SIK2: variants seen among roughly 807,000 people sequenced by gnomAD.
The protein encoded by SIK2 is serine/threonine-protein kinase SIK2.
In SIK2, 29 loss-of-function variants were observed where a neutral mutation model predicts 103.2. The ratio of observed to expected loss-of-function variants is 0.28; its 90% confidence interval spans 0.21 to 0.38. The LOEUF (loss-of-function observed/expected upper bound fraction) is 0.38, where lower values mean the gene tolerates loss of function less well. Among genes scored for constraint, SIK2 ranks in the 10% least tolerant of loss-of-function variants. The probability of loss-of-function intolerance (pLI) is 1.00; values close to 1 mark genes in which losing one functional copy is unlikely to be tolerated. For synonymous variants in SIK2, 412 were observed against 446.1 expected (o/e 0.92, Z 0.96); for missense variants, 879 against 1,171.0 (o/e 0.75, Z 3.64).
intron 3 of SIK2, among the ~76,000 whole-genome samples, chr11:111,638,862 T>G (rs567244553): frequency 2.6e-5 from 4 of 152,312 alleles, no homozygotes; most frequent in South Asian, 2.1e-4. Context: ...TGTTTAATTT[T>G]TTGTTGTTGT....
In SIK2 at chr11:111,729,885, T is replaced by A. The variant is rs775198406; in HGVS notation, c.*5756T>A. On this transcript the variant is annotated 3_prime_UTR_variant, in exon 15 of 15. Transcript: ENST00000304987. ...TCCAGTTAACTGCAGAAGTTTAGGC[T>A]CACCTCAAAGATGTCTAGTTTTTCC... 1 of 152,266 alleles carries A rather than the reference T, an allele frequency of 6.6e-6. No individual in the cohort carries two copies. The highest frequency in any genetic ancestry group is 1.5e-5 in the Non-Finnish European group (1 of 68,084). 9.4% of individuals were successfully genotyped at this position (152,266 alleles called of 1,614,324 possible).
chr11:111,633,740 T>A (rs1186420660), intron 3 of SIK2, among the ~76,000 whole-genome samples: 1 of 152,214 alleles, frequency 6.6e-6, no homozygotes, highest in Non-Finnish European at 1.5e-5. Flanking sequence ...TAAGAACATA[T>A]GCATTTAACC....
intron 1 of SIK2, among the ~76,000 whole-genome samples, chr11:111,605,253 G>A (rs890201233): frequency 6.6e-6 from 1 of 152,110 alleles, no homozygotes; most frequent in East Asian, 1.9e-4. Context: ...GTGAGCCACC[G>A]CGCCTGGCCC....
chr11:111,656,341 A>AT (rs1227869487), intron 3 of SIK2, among the ~76,000 whole-genome samples: 4 of 152,180 alleles, frequency 2.6e-5, no homozygotes, highest in Admixed American at 2.6e-4. Flanking sequence ...CTAGTTGTTC[A>AT]TTTACTAAGG....
At position 111,703,224 on chromosome 11, in the gene SIK2, G is replaced by A. The variant is rs778077254; in HGVS notation, c.749G>A (p.Arg250Lys). The change falls in exon 7 of 15, where the codon AGG becomes AAG. Residue 250 changes from arginine to lysine, a missense_variant. Physicochemically the swap from Arg to Lys is conservative, Grantham distance 26 (BLOSUM62 2). Coordinates refer to ENST00000304987, the MANE Select transcript of SIK2 (RefSeq NM_015191.3). ...MSEDCEHLIR[R>K]MLVLDPSKRL... is the part of the protein sequence containing the mutation. ...ATAGATTGCGAGCACCTTATCCGAA[G>A]GATGTTGGTCCTAGACCCATCCAAA... The A allele has an allele frequency of 3.7e-6, 6 of 1,613,996 alleles. No individual in the cohort carries two copies. The African/African-American group carries it at 8.0e-5, about 22-fold the overall frequency.
At chr11:111,632,782 CATTTA>C (rs556178711) in intron 3 of SIK2, among the ~76,000 whole-genome samples, 100 of 152,040 alleles carry the variant, frequency 6.6e-4, no homozygotes, top group African/African-American at 2.3e-3. Context: ...TTAAGCATGT[CATTTA>C]ATTGAATTGA....
intron 3 of SIK2, among the ~76,000 whole-genome samples, chr11:111,623,777 A>G (rs975089251): frequency 2.6e-5 from 4 of 151,690 alleles, no homozygotes; most frequent in Admixed American, 6.6e-5. Flanking sequence ...GCCAATCAGC[A>G]CTCTCCTGAG....
At chr11:111,648,366 T>C (rs928530718) in intron 3 of SIK2, among the ~76,000 whole-genome samples, 7 of 152,104 alleles carry the variant, frequency 4.6e-5, no homozygotes, top group African/African-American at 1.2e-4. Flanking sequence ...CAATGGTGTC[T>C]GGTAAGGACC....
chr11:111,641,490 G>A (rs1212994468), intron 3 of SIK2, among the ~76,000 whole-genome samples: 1 of 152,106 alleles, frequency 6.6e-6, no homozygotes, highest in Non-Finnish European at 1.5e-5. Context: ...TAGTCTTACA[G>A]ATTTTTCTTT....
chr11:111,715,201 C>T (rs1943605124), intron 9 of SIK2, among the ~76,000 whole-genome samples: 1 of 152,236 alleles, frequency 6.6e-6, no homozygotes, highest in African/African-American at 2.4e-5. Flanking sequence ...TCAGTCAGGC[C>T]ATAGACATCC....
Position 111,721,035 on chromosome 11 carries a change from C to T in SIK2, c.1917C>T (p.Leu639=), listed in dbSNP as rs780398297. The T allele has an allele frequency of 6.2e-7, 1 of 1,613,800 alleles. No homozygotes were observed. The highest frequency in any genetic ancestry group is 8.5e-7 in the Non-Finnish European group (1 of 1,179,876). The change falls in exon 12 of 15, where the codon CTC becomes CTT. Residue 639 remains leucine (L), a synonymous_variant. Transcript: ENST00000304987. ...ACCTGGCGCCGGCGGCTCCTCAGCT[C>T]CAGGACCTTGCTAGCAGCTGCCCTC... is the stretch of plus-strand genomic sequence containing the variant. ...DPNLAPAAPQ[L]QDLASSCPQE... is the part of the protein sequence containing the mutation.
chr11:111,611,101 T>C (rs1012397020), intron 1 of SIK2, among the ~76,000 whole-genome samples: 1 of 151,722 alleles, frequency 6.6e-6, no homozygotes, highest in South Asian at 2.1e-4. Flanking sequence ...TGTGTGTGTG[T>C]GTGTGTGTGT....
chr11:111,685,620 GATT>G (rs1175353179), intron 3 of SIK2, among the ~76,000 whole-genome samples: 3 of 152,122 alleles, frequency 2.0e-5, no homozygotes, highest in African/African-American at 7.2e-5. Context: ...AAGGCAGGAG[GATT>G]GCTTGAGTCC....
intron 10 of SIK2, among the ~76,000 whole-genome samples, 196 bp from the exon 11 acceptor site, chr11:111,720,282 G>A (rs958635728): frequency 1.3e-5 from 2 of 152,282 alleles, no homozygotes; most frequent in African/African-American, 4.8e-5. Flanking sequence ...AGATCTTACA[G>A]ATGCCACTTC....
chr11:111,727,348 T>G lies in SIK2; in HGVS notation c.*3219T>G. Reference sequence around the variant, plus strand: ...CTTTTGCCTCCTAGGAAAGAAAAAGTCAGTGGCCCTTTCTTCCTCAGATAT... The same window carrying G: ...CTTTTGCCTCCTAGGAAAGAAAAAGGCAGTGGCCCTTTCTTCCTCAGATAT... On this transcript the variant is annotated 3_prime_UTR_variant, in exon 15 of 15. Transcript: ENST00000304987. 1 of 458,744 alleles carries G rather than the reference T, an allele frequency of 2.2e-6. No homozygotes were observed. The highest frequency in any genetic ancestry group is 3.9e-6 in the Non-Finnish European group (1 of 255,544). 28.4% of individuals were successfully genotyped at this position (458,744 alleles called of 1,614,324 possible). A position where few individuals can be genotyped will look rare whatever the true frequency, so the allele number is the denominator to read the frequency against.
chr11:111,708,581 G>T (rs1943413615), intron 8 of SIK2, among the ~76,000 whole-genome samples: 1 of 151,760 alleles, frequency 6.6e-6, no homozygotes, highest in South Asian at 2.1e-4. Flanking sequence ...TTTTGGTGGG[G>T]TTTTGGGGGA....
At chr11:111,683,786 C>T (rs1942808548) in intron 3 of SIK2, among the ~76,000 whole-genome samples, 1 of 152,172 alleles carries the variant, frequency 6.6e-6, no homozygotes, top group African/African-American at 2.4e-5. Flanking sequence ...CATAAATGTG[C>T]TTTTTGTATG....
Position 111,729,453 on chromosome 11 carries a change from A to C in SIK2, c.*5324A>C, listed in dbSNP as rs1277877053. 1 of 152,186 alleles carries C rather than the reference A, an allele frequency of 6.6e-6. No individual in the cohort carries two copies. Among genetic ancestry groups the C allele is most frequent in the Non-Finnish European group, 1.5e-5 (1 of 68,036 alleles). The allele number at this position is 152,186 out of a possible 1,614,324, so 9.4% of individuals were successfully genotyped here. On this transcript the variant is annotated 3_prime_UTR_variant, in exon 15 of 15. Coordinates refer to ENST00000304987, the MANE Select transcript of SIK2 (RefSeq NM_015191.3). ...CAATTCTATGAAATTAGCTGGGGAG[A>C]TACTGTCCTTATTTTTCACAGCTGA...
rs945012107 is a variant in SIK2, at chr11:111,620,358, T to C, written c.272T>C (p.Met91Thr). Residue 91 changes from methionine (M) to threonine (T), a missense_variant, in exon 3 of 15, where the codon ATG (methionine) becomes ACG (threonine). By Grantham distance (81) the Met-to-Thr change is moderately conservative. Transcript: ENST00000304987. ...CAATAGGTAATGGAGACCAAAAGTATGTTGTACCTTGTGACAGAATATGCC... is the reference window on the plus strand; with the variant it reads ...CAATAGGTAATGGAGACCAAAAGTACGTTGTACCTTGTGACAGAATATGCC... ...KLYQVMETKSMLYLVTEYAKN... is the reference protein window; with the variant it reads ...KLYQVMETKSTLYLVTEYAKN... 1.9e-6 allele frequency: 3 copies of C among 1,594,230 alleles called. No individual in the cohort carries two copies. The highest frequency in any genetic ancestry group is 2.6e-6 in the Non-Finnish European group (3 of 1,171,596).
Sources: allele counts gnomAD v4.1 joint callset (sites outside exome capture counted in the v4.1 genomes callset), GRCh38; gene constraint gnomAD v4.1.1; transcripts MANE v1.5; gene names NCBI Gene and HGNC (gene_info 2026-07-23, HGNC 2026-07-21).